The following ASXL1 variants were observed in gnomAD, a reference collection of about 807,000 sequenced individuals.
The protein encoded by ASXL1 is polycomb group protein ASXL1.
ASXL1 carries 65 observed loss-of-function variants against 89.1 expected under a neutral mutation model. That is an observed-to-expected ratio of 0.73 (90% CI 0.60 to 0.90). The LOEUF is 0.90. Among genes scored for constraint, ASXL1 ranks in the 40% least tolerant of loss-of-function variants. The probability of loss-of-function intolerance (pLI) is 0.00; values close to 1 mark genes in which losing one functional copy is unlikely to be tolerated. For synonymous variants in ASXL1, 739 were observed against 746.9 expected, an observed-to-expected ratio of 0.99 and a Z score of 0.17; for missense variants, 1,786 against 1,942.9, an observed-to-expected ratio of 0.92 and a Z score of 1.52.
At chr20:32,411,441 GTC>G (rs1391103745) in intron 4 of ASXL1, among the ~76,000 whole-genome samples, 1 of 149,948 alleles carries the variant, frequency 6.7e-6, no homozygotes. Context: ...GGCCAGGCTT[GTC>G]TCTCCAACTC....
chr20:32,416,878 G>C (rs2049146899), intron 4 of ASXL1, among the ~76,000 whole-genome samples: 1 of 152,156 alleles, frequency 6.6e-6, no homozygotes, highest in African/African-American at 2.4e-5. Flanking sequence ...GCTTTGTTAC[G>C]ATCATGACAT....
At chr20:32,394,471 A>G (rs1049193470) in intron 4 of ASXL1, among the ~76,000 whole-genome samples, 1 of 152,038 alleles carries the variant, frequency 6.6e-6, no homozygotes, top group Non-Finnish European at 1.5e-5. Flanking sequence ...TTCATTTTTA[A>G]GTCCTTTCTT....
intron 4 of ASXL1, among the ~76,000 whole-genome samples, chr20:32,384,748 T>A (rs959431577): frequency 6.6e-6 from 1 of 151,934 alleles, no homozygotes; most frequent in Non-Finnish European, 1.5e-5. Context: ...GAAAATGAAG[T>A]GGTAAAGGTC....
chr20:32,379,531 C>T (rs1449590207), intron 4 of ASXL1, among the ~76,000 whole-genome samples: 1 of 150,746 alleles, frequency 6.6e-6, no homozygotes, highest in African/African-American at 2.4e-5. Flanking sequence ...TTTGTTGTTA[C>T]ATAAGATGTC....
At chr20:32,398,006 G>C (rs879356130) in intron 4 of ASXL1, among the ~76,000 whole-genome samples, 1 of 152,158 alleles carries the variant, frequency 6.6e-6, no homozygotes, top group African/African-American at 2.4e-5. Context: ...AATTGTAGTA[G>C]GGTATTTACG....
rs116391649 is a variant in ASXL1 at position 32,418,674 on chromosome 20, C to T, written c.253-9454C>T. On this transcript the variant is annotated intron_variant, in intron 4 of 12. Coordinates refer to ENST00000375687, the MANE Select transcript of ASXL1 (RefSeq NM_015338.6). ...TAAAACTTTCTAAAAAGCAACTCCT[C>T]TCATCTTGTTCTTCAAGAGTATCTT... Among the ~76,000 whole-genome samples the T allele has an allele frequency of 1.5e-3, 228 of 152,268 alleles. 2 individuals carry two copies. Among genetic ancestry groups the T allele is most frequent in the African/African-American group, 5.1e-3 (210 of 41,558 alleles).
intron 1 of ASXL1, 70 bp downstream of exon 1, chr20:32,358,902 T>C (rs1257372498): frequency 2.5e-5 from 33 of 1,306,576 alleles, no homozygotes; most frequent in Non-Finnish European, 3.1e-5. Context: ...ACCCCCCCAC[T>C]GGGGGGGGAG....
Position 32,437,481 on chromosome 20 carries a change from A to AAT in ASXL1, c.*144_*145insTA. On this transcript the variant is annotated 3_prime_UTR_variant, in exon 13 of 13. Coordinates refer to ENST00000375687, the MANE Select transcript of ASXL1 (RefSeq NM_015338.6). ...CCTTCCCCCAAAATTTACACTGCTA[A>AAT]AGCCCTCTGTCACTTGGCGACCCTT... 7.6e-7 allele frequency: 1 copy of AAT among 1,308,238 alleles called. No homozygotes were observed. The allele number at this position is 1,308,238 out of a possible 1,614,324, so 81.0% of individuals were successfully genotyped here.
intron 4 of ASXL1, among the ~76,000 whole-genome samples, chr20:32,371,506 C>T (rs1229279112): frequency 6.6e-6 from 1 of 152,052 alleles, no homozygotes; most frequent in Non-Finnish European, 1.5e-5. Context: ...AGGCTGGTCT[C>T]GAGCTCCTGG....
chr20:32,411,315 T>C (rs949515171), intron 4 of ASXL1, among the ~76,000 whole-genome samples: 3 of 140,532 alleles, frequency 2.1e-5, no homozygotes, highest in African/African-American at 7.7e-5. Flanking sequence ...GCAACCTCTG[T>C]CTCCTGGGTT....
intron 4 of ASXL1, among the ~76,000 whole-genome samples, chr20:32,414,478 G>A (rs2049103009): frequency 6.6e-6 from 1 of 152,012 alleles, no homozygotes; most frequent in Admixed American, 6.6e-5. Flanking sequence ...GGAGGCCAAG[G>A]TGGGAGAATT....
chr20:32,385,434 A>T (rs1312694266), intron 4 of ASXL1, among the ~76,000 whole-genome samples: 2 of 152,172 alleles, frequency 1.3e-5, no homozygotes, highest in African/African-American at 4.8e-5. Flanking sequence ...AAATATGTAT[A>T]ATTTCTTCTG....
intron 4 of ASXL1, chr20:32,372,235 C>G: frequency 7.5e-7 from 1 of 1,327,056 alleles, no homozygotes; most frequent in Non-Finnish European, 9.9e-7. Flanking sequence ...TTGTATGAAC[C>G]TGCTGTAAGC....
In ASXL1 at chr20:32,428,218, G is replaced by A. The variant is rs1262669969; in HGVS notation, c.343G>A (p.Glu115Lys). 6.2e-7 allele frequency: 1 copy of A among 1,614,216 alleles called. No individual in the cohort carries two copies. Among genetic ancestry groups the A allele is most frequent in the Non-Finnish European group, 8.5e-7 (1 of 1,180,040 alleles). ...TGATGTGGAGAGCTGTGGGTCTAAT[G>A]AAGCCAGCACTGTGAGTGGTGAAAA... is the stretch of plus-strand genomic sequence containing the variant. Reference protein sequence around the residue: ...TADVESCGSNEASTVSGENDV... With the variant: ...TADVESCGSNKASTVSGENDV... Residue 115 changes from glutamate (E) to lysine (K), a missense_variant, in exon 5 of 13, where the codon GAA (glutamate) becomes AAA (lysine). Glu to Lys is a moderately conservative substitution (Grantham distance 56, BLOSUM62 1). This residue lies in a region of ASXL1 where 332 missense variants were observed against 449.7 expected (regional missense o/e 0.74). Transcript: ENST00000375687.
At chr20:32,369,718 CTT>C (rs386393629) in intron 4 of ASXL1, among the ~76,000 whole-genome samples, 89 of 94,614 alleles carry the variant, frequency 9.4e-4, no homozygotes, top group South Asian at 1.4e-3. Flanking sequence ...GCAGATGTGC[CTT>C]TTTTTTTTTT....
intron 1 of ASXL1, among the ~76,000 whole-genome samples, chr20:32,363,945 C>T (rs2048164092): frequency 6.6e-6 from 1 of 152,150 alleles, no homozygotes; most frequent in African/African-American, 2.4e-5. Flanking sequence ...GTTCCATATG[C>T]CAGGCCAGTG....
chr20:32,381,712 C>T (rs62206879), intron 4 of ASXL1, among the ~76,000 whole-genome samples: 4 of 151,910 alleles, frequency 2.6e-5, no homozygotes, highest in African/African-American at 9.6e-5. Context: ...GACGGGGTTT[C>T]ACCATGTTGG....
Position 32,428,157 on chromosome 20 carries a change from A to G in ASXL1, c.282A>G (p.Pro94=). ...ATGCCCTGCAGTGGTCTCGCCATCCAGCTACAGTGGAGGGAGAGGAGCCAG... is the reference window on the plus strand; with the variant it reads ...ATGCCCTGCAGTGGTCTCGCCATCCGGCTACAGTGGAGGGAGAGGAGCCAG... ...KKDALQWSRH[P]ATVEGEEPED... Residue 94 remains proline (P), a synonymous_variant, in exon 5 of 13, where the codon CCA becomes CCG. Transcript: ENST00000375687. The G allele has an allele frequency of 6.2e-7, 1 of 1,613,906 alleles. No homozygotes were observed. The highest frequency in any genetic ancestry group is 2.2e-5 in the East Asian group (1 of 44,882).
intron 4 of ASXL1, among the ~76,000 whole-genome samples, chr20:32,381,863 T>G (rs917788362): frequency 3.3e-5 from 5 of 152,022 alleles, no homozygotes; most frequent in African/African-American, 1.2e-4. Flanking sequence ...TCACCTTGCT[T>G]TTATATCAGT....
Sources: gnomAD v4.1 joint callset for allele counts (sites outside exome capture counted in the v4.1 genomes callset) on GRCh38, gnomAD v4.1.1 for gene constraint, gnomAD v4.1.1 regional missense constraint, MANE v1.5 for transcripts, NCBI Gene and HGNC (gene_info 2026-07-23, HGNC 2026-07-21) for gene names.